ERC2: variants seen among roughly 807,000 people sequenced by gnomAD.
ERC2 encodes the protein ERC protein 2.
In ERC2, 42 loss-of-function variants were observed where a neutral mutation model predicts 114.8. That is an observed-to-expected ratio of 0.37 (90% confidence interval 0.29 to 0.47). ERC2 has a LOEUF of 0.47. Among genes scored for constraint, ERC2 ranks in the 20% least tolerant of loss-of-function variants. The pLI is 0.99. For synonymous variants in ERC2, 454 were observed against 425.5 expected, an observed-to-expected ratio of 1.07 and a Z score of -0.82; for missense variants, 939 against 1,150.7, an observed-to-expected ratio of 0.82 and a Z score of 2.66.
At chr3:56,447,463 C>A (rs1379353344) in intron 1 of ERC2, among the ~76,000 whole-genome samples, 1 of 152,146 alleles carries the variant, frequency 6.6e-6, no homozygotes, top group African/African-American at 2.4e-5. Context: ...GTTGGGAAGG[C>A]GGTCTAGTGG....
chr3:56,150,540 C>T (rs2081362497), intron 4 of ERC2, among the ~76,000 whole-genome samples: 1 of 151,976 alleles, frequency 6.6e-6, no homozygotes, highest in Non-Finnish European at 1.5e-5. Flanking sequence ...TTTGAAAATT[C>T]CAAGATTATT....
At chr3:56,159,207 G>C (rs918401271) in intron 4 of ERC2, among the ~76,000 whole-genome samples, 2 of 152,080 alleles carry the variant, frequency 1.3e-5, no homozygotes, top group African/African-American at 4.8e-5. Context: ...GCAAATGCCA[G>C]CATCATGCTT....
chr3:55,762,267 C>T (rs1015419343), intron 14 of ERC2, among the ~76,000 whole-genome samples: 1 of 152,130 alleles, frequency 6.6e-6, no homozygotes, highest in African/African-American at 2.4e-5. Flanking sequence ...ATGGACTATT[C>T]TAAACATTTG....
chr3:55,882,823 C>A (rs1250890145), intron 14 of ERC2, among the ~76,000 whole-genome samples: 2 of 152,168 alleles, frequency 1.3e-5, no homozygotes, highest in Non-Finnish European at 2.9e-5. Context: ...CCTTTTGAAT[C>A]AAGTTGGCCT....
chr3:55,695,515 C>T (rs1199395902), intron 16 of ERC2, among the ~76,000 whole-genome samples: 1 of 152,168 alleles, frequency 6.6e-6, no homozygotes, highest in Admixed American at 6.5e-5. Context: ...CTCAGTAATC[C>T]CTCAAGGGCT....
intron 2 of ERC2, among the ~76,000 whole-genome samples, chr3:56,417,465 G>A (rs1012649330): frequency 6.6e-6 from 1 of 152,188 alleles, no homozygotes; most frequent in African/African-American, 2.4e-5. Flanking sequence ...AACTGGCTTG[G>A]ATCCAGTTAT....
rs10576433 is a variant in ERC2, at chr3:56,307,828, GCACACACACA to G, written c.658-11403_658-11394del. Among the ~76,000 whole-genome samples the G allele has an allele frequency of 6.5e-4, 96 of 147,652 alleles. 1 individual carries two copies. In the Middle Eastern group the frequency reaches 0.014, roughly 21 times the overall value. On this transcript the variant is annotated intron_variant, in intron 2 of 17. Coordinates refer to ENST00000288221, the MANE Select transcript of ERC2 (RefSeq NM_015576.3). ...TCATGTATTCACTATACACACACTT[GCACACACACA>G]CACACACACACACACACACACACAG...
chr3:55,726,429 A>T (rs1165604585), intron 15 of ERC2, among the ~76,000 whole-genome samples: 2 of 152,206 alleles, frequency 1.3e-5, no homozygotes, highest in Non-Finnish European at 2.9e-5. Flanking sequence ...CTTCTAGCAG[A>T]GGGGAGAAGA....
intron 3 of ERC2, among the ~76,000 whole-genome samples, chr3:56,220,582 A>G (rs2150148058): frequency 6.6e-6 from 1 of 152,354 alleles, no homozygotes; most frequent in South Asian, 2.1e-4. Flanking sequence ...ATGCCACTGT[A>G]GCTGGCGTGC....
At chr3:55,928,804 C>T (rs1224689151) in intron 13 of ERC2, among the ~76,000 whole-genome samples, 1 of 152,128 alleles carries the variant, frequency 6.6e-6, no homozygotes, top group Non-Finnish European at 1.5e-5. Context: ...AGACTGGGGG[C>T]TAGTTTCATT....
intron 13 of ERC2, among the ~76,000 whole-genome samples, chr3:55,935,187 G>A (rs1345990563): frequency 6.6e-6 from 1 of 152,186 alleles, no homozygotes; most frequent in Non-Finnish European, 1.5e-5. Context: ...TGGGTTTTAG[G>A]TAAGAACATG....
intron 17 of ERC2, among the ~76,000 whole-genome samples, chr3:55,543,224 A>T (rs1167243): frequency 0.61 from 92,547 of 152,040 alleles, 30,197 homozygotes; most frequent in East Asian, 0.93. Context: ...TGGGGGCAGC[A>T]GCAAAAGGCT....
rs780028540 is a variant in ERC2, at chr3:55,888,569, C to A, written c.2404-20G>T. The A allele has an allele frequency of 2.8e-5, 45 of 1,612,330 alleles. No individual in the cohort carries two copies. Among genetic ancestry groups the A allele is most frequent in the East Asian group, 2.5e-4 (11 of 44,838 alleles). ...CTCTATCTGAAAGGCACATGGAGCT[C>A]TGTGTGTTATTTCTCCTTCATTCAA... is the stretch of plus-strand genomic sequence containing the variant. On this transcript the variant is annotated intron_variant, in intron 13 of 17. Transcript: ENST00000288221.
intron 16 of ERC2, among the ~76,000 whole-genome samples, chr3:55,684,975 C>T (rs1434774671): frequency 3.9e-5 from 6 of 152,202 alleles, no homozygotes. Context: ...AGTTGTTACA[C>T]TCTTAGGTTG....
intron 13 of ERC2, among the ~76,000 whole-genome samples, chr3:55,892,246 T>TA (rs753502968): frequency 2.0e-5 from 3 of 152,226 alleles, no homozygotes; most frequent in Non-Finnish European, 4.4e-5. Flanking sequence ...GGCTCACACC[T>TA]ATAATCCCAA....
intron 6 of ERC2, among the ~76,000 whole-genome samples, chr3:56,090,123 T>C (rs1402162657): frequency 1.3e-5 from 2 of 152,212 alleles, no homozygotes; most frequent in Non-Finnish European, 1.5e-5. Flanking sequence ...CTCAGAATAA[T>C]CACTGCTTTC....
At chr3:55,930,230 C>T (rs1180904048) in intron 13 of ERC2, among the ~76,000 whole-genome samples, 4 of 152,004 alleles carry the variant, frequency 2.6e-5, no homozygotes, top group Admixed American at 2.6e-4. Context: ...CAGAGTGAGA[C>T]TCCGTCTCAA....
At chr3:56,084,352 T>C (rs72867657) in intron 6 of ERC2, among the ~76,000 whole-genome samples, 2,708 of 152,298 alleles carry the variant, frequency 0.018, 83 homozygotes, top group African/African-American at 0.062. Context: ...ATCCCACTAC[T>C]GGGTATCTAC....
At chr3:55,994,968 C>G (rs1290196910) in intron 10 of ERC2, among the ~76,000 whole-genome samples, 2 of 152,160 alleles carry the variant, frequency 1.3e-5, no homozygotes, top group Non-Finnish European at 2.9e-5. Flanking sequence ...AAGACCAGAG[C>G]CAAGTTTACG....
Sources: gnomAD v4.1 joint callset for allele counts (sites outside exome capture counted in the v4.1 genomes callset) on GRCh38, gnomAD v4.1.1 for gene constraint, MANE v1.5 for transcripts, NCBI Gene and HGNC (gene_info 2026-07-23, HGNC 2026-07-21) for gene names.